Variants in PPM1D observed in about 807,000 individuals in gnomAD.
PPM1D encodes protein phosphatase, Mg2+/Mn2+ dependent 1D, also known as protein phosphatase 1D.
In PPM1D, 52 loss-of-function variants were observed where a neutral mutation model predicts 58.3. That is an observed-to-expected ratio of 0.89 (90% CI 0.71 to 1.12). The LOEUF (loss-of-function observed/expected upper bound fraction) is 1.12, where lower values mean the gene tolerates loss of function less well. Among genes scored for constraint, PPM1D ranks in the 50% most tolerant of loss-of-function variants. The pLI, the probability that PPM1D is intolerant of heterozygous loss-of-function variation, is 0.00. For missense variants in PPM1D, 564 were observed against 777.2 expected (o/e 0.73, Z 3.26); for synonymous variants, 278 against 285.1 (o/e 0.98, Z 0.25).
chr17:60,663,632 T>A lies in PPM1D; in HGVS notation c.*80T>A, dbSNP rs183182855. On this transcript the variant is annotated 3_prime_UTR_variant, in exon 6 of 6. Transcript: ENST00000305921. ...AATTTGGTGCCGATGTTGAACTTTT[T>A]TTAAGGGGAGAAAATTAAAAGAAAT... 7.1e-7 allele frequency: 1 copy of A among 1,410,620 alleles called. No individual in the cohort carries two copies. The highest frequency in any genetic ancestry group is 2.2e-5 in the Admixed American group (1 of 44,854). 87.4% of individuals were successfully genotyped at this position (1,410,620 alleles called of 1,614,324 possible).
intron 4 of PPM1D, among the ~76,000 whole-genome samples, chr17:60,651,093 A>G (rs1181354340): frequency 6.6e-6 from 1 of 152,222 alleles, no homozygotes; most frequent in Admixed American, 6.5e-5. Context: ...GGGGGACTCA[A>G]GTCAGCAGAA....
At chr17:60,623,452 C>T in intron 1 of PPM1D, 69 bp from the exon 2 acceptor site, 1 of 1,408,578 alleles carries the variant, frequency 7.1e-7, no homozygotes. Context: ...GAGTTTGTTG[C>T]CATTTGTATC....
At chr17:60,601,285 C>T (rs1402012725) in intron 1 of PPM1D, among the ~76,000 whole-genome samples, 1 of 152,206 alleles carries the variant, frequency 6.6e-6, no homozygotes, top group Non-Finnish European at 1.5e-5. Flanking sequence ...GAGAATCTGT[C>T]ATAATTCTGC....
At chr17:60,651,699 A>G (rs2031346579) in intron 4 of PPM1D, among the ~76,000 whole-genome samples, 2 of 152,086 alleles carry the variant, frequency 1.3e-5, no homozygotes, top group African/African-American at 4.8e-5. Flanking sequence ...CCAAGCCACC[A>G]CGCCCAGCCG....
chr17:60,616,872 C>T lies in PPM1D; in HGVS notation c.473-6649C>T, dbSNP rs1419371576. Among the ~76,000 whole-genome samples, 3 of 152,104 alleles carry T rather than the reference C, an allele frequency of 2.0e-5. No individual in the cohort carries two copies. The East Asian group carries it at 5.8e-4, about 29-fold the overall frequency. ...TATTTATTTTTAGCTCGTTTTTTCA[C>T]TTGCCATTTTGTTTTAGGTGATTTT... On this transcript the variant is annotated intron_variant, in intron 1 of 5. Transcript: ENST00000305921.
intron 3 of PPM1D, among the ~76,000 whole-genome samples, chr17:60,637,253 C>CT (rs905203832): frequency 2.9e-4 from 44 of 151,670 alleles, no homozygotes; most frequent in Middle Eastern, 6.8e-3. Flanking sequence ...TTCTTTCTTT[C>CT]TTTTTTTGTT....
At chr17:60,649,458 G>A (rs1483924763) in intron 4 of PPM1D, among the ~76,000 whole-genome samples, 1 of 151,872 alleles carries the variant, frequency 6.6e-6, no homozygotes, top group Non-Finnish European at 1.5e-5. Context: ...GGAGGCTGAG[G>A]CGGGTGGATC....
chr17:60,654,313 C>G (rs1376668314), intron 4 of PPM1D, among the ~76,000 whole-genome samples: 4 of 141,504 alleles, frequency 2.8e-5, no homozygotes, highest in Admixed American at 7.1e-5. Flanking sequence ...CTCTGTCACC[C>G]AGGCTGGGAG....
intron 5 of PPM1D, 75 bp from the exon 6 acceptor site, chr17:60,662,920 C>T (rs1478216511): frequency 9.4e-6 from 13 of 1,382,210 alleles, no homozygotes; most frequent in African/African-American, 1.5e-5. Flanking sequence ...CATAAGAAGC[C>T]TAATATCACA....
At chr17:60,625,567 A>G (rs1033049785) in intron 2 of PPM1D, among the ~76,000 whole-genome samples, 9 of 152,226 alleles carry the variant, frequency 5.9e-5, no homozygotes, top group South Asian at 2.1e-4. Context: ...ATATTTAGCA[A>G]CATATTCATA....
intron 3 of PPM1D, among the ~76,000 whole-genome samples, chr17:60,645,582 A>ATGTATATATATG (rs1567974753): frequency 2.3e-5 from 3 of 129,754 alleles, no homozygotes; most frequent in African/African-American, 1.0e-4. Context: ...GTATATATAT[A>ATGTATATATATG]TGTGTGTATA....
At chr17:60,641,090 C>T (rs1343022928) in intron 3 of PPM1D, among the ~76,000 whole-genome samples, 6 of 152,012 alleles carry the variant, frequency 3.9e-5, no homozygotes, top group Admixed American at 2.0e-4. Context: ...TTTTGTAGAG[C>T]GATTTATTTT....
chr17:60,606,235 C>A (rs2030327469), intron 1 of PPM1D, among the ~76,000 whole-genome samples: 1 of 152,208 alleles, frequency 6.6e-6, no homozygotes, highest in Non-Finnish European at 1.5e-5. Flanking sequence ...AGAATTTCTG[C>A]TGAATAATAT....
chr17:60,638,619 T>C (rs2031071482), intron 3 of PPM1D, among the ~76,000 whole-genome samples: 1 of 152,140 alleles, frequency 6.6e-6, no homozygotes, highest in Admixed American at 6.6e-5. Flanking sequence ...TCCGCCCACC[T>C]CTGCTTCCCA....
chr17:60,654,508 A>G (rs529018401), intron 4 of PPM1D, among the ~76,000 whole-genome samples: 1 of 148,922 alleles, frequency 6.7e-6, no homozygotes, highest in East Asian at 2.1e-4. Flanking sequence ...TGTCTCAAAA[A>G]ACAACAAACA....
chr17:60,613,898 C>T (rs987439246), intron 1 of PPM1D, among the ~76,000 whole-genome samples: 5 of 146,400 alleles, frequency 3.4e-5, no homozygotes, highest in Non-Finnish European at 4.5e-5. Flanking sequence ...AGGCCCCCCC[C>T]CCGCCACCCC....
At chr17:60,620,828 G>A (rs367856294) in intron 1 of PPM1D, among the ~76,000 whole-genome samples, 1 of 151,980 alleles carries the variant, frequency 6.6e-6, no homozygotes, top group Admixed American at 6.6e-5. Context: ...TCTTTTGGTG[G>A]TCATATTAAA....
At chr17:60,634,283 G>T (rs554814572) in intron 3 of PPM1D, among the ~76,000 whole-genome samples, 1 of 152,218 alleles carries the variant, frequency 6.6e-6, no homozygotes, top group South Asian at 2.1e-4. Context: ...ATAGTGATGT[G>T]TAGCTGTAGT....
At chr17:60,650,056 C>T (rs2031315718) in intron 4 of PPM1D, among the ~76,000 whole-genome samples, 1 of 152,002 alleles carries the variant, frequency 6.6e-6, no homozygotes, top group Non-Finnish European at 1.5e-5. Flanking sequence ...TATTTATGAA[C>T]CATAAAGTGT....
Sources: allele counts gnomAD v4.1 joint callset (sites outside exome capture counted in the v4.1 genomes callset), GRCh38; gene constraint gnomAD v4.1.1; transcripts MANE v1.5; gene names NCBI Gene and HGNC (gene_info 2026-07-23, HGNC 2026-07-21).